Variants in CCDC85A observed in about 807,000 individuals in gnomAD.
The protein encoded by CCDC85A is coiled-coil domain containing 85A, also known as coiled-coil domain-containing protein 85A.
A neutral mutation model predicts 50.2 loss-of-function variants in CCDC85A; 38 were observed. The ratio of observed to expected loss-of-function variants is 0.76; its 90% CI spans 0.58 to 0.99. The LOEUF (loss-of-function observed/expected upper bound fraction) is 0.99, where lower values mean the gene tolerates loss of function less well. CCDC85A is among the 50% of genes least tolerant of loss of function. The probability of loss-of-function intolerance (pLI) is 0.00; values close to 1 mark genes in which losing one functional copy is unlikely to be tolerated. For synonymous variants in CCDC85A, 366 were observed against 301.4 expected, an observed-to-expected ratio of 1.21 and a Z score of -2.22; for missense variants, 820 against 742.0, an observed-to-expected ratio of 1.11 and a Z score of -1.22.
intron 4 of CCDC85A, 46 bp from the exon 5 acceptor site, chr2:56,375,770 T>G: frequency 5.6e-6 from 9 of 1,597,580 alleles, no homozygotes; most frequent in Non-Finnish European, 7.7e-6. Flanking sequence ...TTTGTAGTTA[T>G]AAACGACTTT....
chr2:56,223,765 C>G (rs1668428684), intron 2 of CCDC85A, among the ~76,000 whole-genome samples: 1 of 152,016 alleles, frequency 6.6e-6, no homozygotes, highest in East Asian at 1.9e-4. Context: ...TGTTTTTGCC[C>G]CAAAGCCTGG....
At chr2:56,319,780 A>C (rs1673082576) in intron 2 of CCDC85A, among the ~76,000 whole-genome samples, 2 of 152,188 alleles carry the variant, frequency 1.3e-5, no homozygotes, top group African/African-American at 4.8e-5. Context: ...TTGGAAATTG[A>C]CTGGGGAATT....
chr2:56,248,888 A>G (rs1030822747), intron 2 of CCDC85A, among the ~76,000 whole-genome samples: 2 of 152,168 alleles, frequency 1.3e-5, no homozygotes, highest in African/African-American at 4.8e-5. Context: ...CATGTCAGAT[A>G]GTATGATGCC....
chr2:56,282,483 T>C (rs969047991), intron 2 of CCDC85A, among the ~76,000 whole-genome samples: 1 of 152,230 alleles, frequency 6.6e-6, no homozygotes, highest in Non-Finnish European at 1.5e-5. Context: ...TTTAATAATA[T>C]GAAATCTTCT....
chr2:56,323,087 C>T (rs762271875), intron 2 of CCDC85A, among the ~76,000 whole-genome samples: 12 of 151,910 alleles, frequency 7.9e-5, no homozygotes, highest in South Asian at 2.1e-4. Flanking sequence ...AGGTGGGAAT[C>T]GAACAATGAG....
At chr2:56,224,667 A>G (rs1300009528) in intron 2 of CCDC85A, among the ~76,000 whole-genome samples, 2 of 152,130 alleles carry the variant, frequency 1.3e-5, no homozygotes, top group African/African-American at 4.8e-5. Context: ...ATGAAGTGGT[A>G]TCTAATTGTG....
chr2:56,360,676 T>G (rs1675480102), intron 3 of CCDC85A, among the ~76,000 whole-genome samples: 1 of 152,196 alleles, frequency 6.6e-6, no homozygotes, highest in African/African-American at 2.4e-5. Context: ...ACACAGAGAC[T>G]TTAGAAAAAA....
intron 2 of CCDC85A, among the ~76,000 whole-genome samples, chr2:56,309,342 C>T (rs927846632): frequency 2.0e-5 from 3 of 152,110 alleles, no homozygotes; most frequent in Admixed American, 1.3e-4. Context: ...GTTTTATGGA[C>T]TTCAGCTTGC....
intron 3 of CCDC85A, among the ~76,000 whole-genome samples, chr2:56,362,474 A>C (rs1225056793): frequency 6.6e-6 from 1 of 152,050 alleles, no homozygotes; most frequent in East Asian, 1.9e-4. Flanking sequence ...CTCATCAATG[A>C]ATGCTGAGGG....
chr2:56,371,562 A>T (rs1460430934), intron 3 of CCDC85A, among the ~76,000 whole-genome samples: 1 of 152,066 alleles, frequency 6.6e-6, no homozygotes, highest in African/African-American at 2.4e-5. Flanking sequence ...ATTCTTAGTT[A>T]TAGGTCTCTG....
chr2:56,360,427 A>G (rs1400293719), intron 3 of CCDC85A, among the ~76,000 whole-genome samples: 5 of 152,204 alleles, frequency 3.3e-5, no homozygotes, highest in Non-Finnish European at 7.3e-5. Flanking sequence ...GTTAGCAAAA[A>G]TGCTTTTCAT....
intron 2 of CCDC85A, among the ~76,000 whole-genome samples, chr2:56,332,961 A>G (rs376683232): frequency 6.6e-6 from 1 of 152,188 alleles, no homozygotes; most frequent in African/African-American, 2.4e-5. Flanking sequence ...GGGAACTTCT[A>G]CATTACTGGT....
At chr2:56,374,403 T>TAACATTAAG (rs1676234411) in intron 4 of CCDC85A, among the ~76,000 whole-genome samples, 1 of 152,214 alleles carries the variant, frequency 6.6e-6, no homozygotes, top group Non-Finnish European at 1.5e-5. Flanking sequence ...TCTGCAATAA[T>TAACATTAAG]AACATTAAGT....
At chr2:56,266,408 A>G (rs1670441990) in intron 2 of CCDC85A, among the ~76,000 whole-genome samples, 1 of 152,186 alleles carries the variant, frequency 6.6e-6, no homozygotes, top group East Asian at 1.9e-4. Context: ...TGTTTCTAAT[A>G]AAAGCAAACC....
intron 2 of CCDC85A, among the ~76,000 whole-genome samples, chr2:56,220,901 G>A (rs1353606206): frequency 2.0e-5 from 3 of 152,046 alleles, no homozygotes; most frequent in African/African-American, 7.2e-5. Context: ...GGTCAAGGAT[G>A]TAGGGTCTCT....
At chr2:56,368,047 C>T (rs189761831) in intron 3 of CCDC85A, among the ~76,000 whole-genome samples, 25 of 152,244 alleles carry the variant, frequency 1.6e-4, no homozygotes, top group Admixed American at 1.2e-3. Context: ...GATTTGAACT[C>T]ACTGTGTTTC....
At chr2:56,353,456 G>T (rs1307265824) in intron 3 of CCDC85A, among the ~76,000 whole-genome samples, 2 of 152,216 alleles carry the variant, frequency 1.3e-5, no homozygotes, top group African/African-American at 4.8e-5. Flanking sequence ...TCATTTCTAA[G>T]TGTGGTTCCT....
chr2:56,272,606 A>G (rs2104068004), intron 2 of CCDC85A, among the ~76,000 whole-genome samples: 1 of 152,352 alleles, frequency 6.6e-6, no homozygotes, highest in Non-Finnish European at 1.5e-5. Flanking sequence ...TATAGCAGAG[A>G]GTAAAAGTAA....
At chr2:56,270,319 A>G (rs1054320218) in intron 2 of CCDC85A, among the ~76,000 whole-genome samples, 4 of 152,234 alleles carry the variant, frequency 2.6e-5, no homozygotes, top group African/African-American at 7.2e-5. Context: ...AGAAAAAAAT[A>G]TGCTAGATAT....
Sources: gnomAD v4.1 joint callset for allele counts (sites outside exome capture counted in the v4.1 genomes callset) on GRCh38, gnomAD v4.1.1 for gene constraint, MANE v1.5 for transcripts, NCBI Gene and HGNC (gene_info 2026-07-23, HGNC 2026-07-21) for gene names.